Variants in KLF13 observed in about 807,000 individuals in gnomAD.
KLF13 encodes KLF transcription factor 13.
In KLF13, 8 loss-of-function variants were observed where a neutral mutation model predicts 16.7. The observed-to-expected ratio is 0.48, with a 90% CI of 0.28 to 0.87. KLF13 has a LOEUF of 0.87. Ranked by LOEUF, KLF13 falls within the 40% of genes least tolerant of loss-of-function variation. The pLI is 0.10. For synonymous variants in KLF13, 245 were observed against 208.4 expected, an observed-to-expected ratio of 1.18 and a Z score of -1.51; for missense variants, 447 against 452.2, an observed-to-expected ratio of 0.99 and a Z score of 0.10.
chr15:31,395,453 CTTAT>C lies in KLF13; in HGVS notation n.529+1781_529+1784del, dbSNP rs544376162. ...GTGTAGACATAAGTTTTCTTTTTTC[CTTAT>C]TTATTTATTTATTTATTTTTGGACA... On this transcript the variant is annotated intron_variant and non_coding_transcript_variant, in intron 2 of 2. Coordinates refer to the KLF13 transcript ENST00000500533. Among the ~76,000 whole-genome samples, 687 of 151,984 alleles carry C rather than the reference CTTAT, an allele frequency of 4.5e-3. 2 individuals carry two copies. The highest frequency in any genetic ancestry group is 0.015 in the African/African-American group (611 of 41,444).
downstream of KLF13, among the ~76,000 whole-genome samples, chr15:31,409,342 A>T (rs141109044): frequency 2.8e-3 from 430 of 152,290 alleles, 1 homozygote; most frequent in Non-Finnish European, 4.8e-3. Context: ...GAGCTGTGGG[A>T]CAATACCAAA....
intron 1 of KLF13, among the ~76,000 whole-genome samples, chr15:31,422,420 G>A (rs1003414980): frequency 6.6e-6 from 1 of 152,112 alleles, no homozygotes; most frequent in African/African-American, 2.4e-5. Context: ...AATGCAAGCA[G>A]GGGAAACGGT....
intron 1 of KLF13, among the ~76,000 whole-genome samples, chr15:31,423,899 A>G (rs1044631871): frequency 1.3e-5 from 2 of 152,144 alleles, no homozygotes; most frequent in African/African-American, 2.4e-5. Flanking sequence ...TAAACAATAC[A>G]CTCTTGAACA....
intron 1 of KLF13, among the ~76,000 whole-genome samples, chr15:31,333,990 G>A (rs2038883138): frequency 1.3e-5 from 2 of 152,092 alleles, no homozygotes; most frequent in Admixed American, 1.3e-4. Flanking sequence ...CTGTCCTACT[G>A]CAGGATCACA....
chr15:31,347,636 G>A (rs2039145466), intron 1 of KLF13, among the ~76,000 whole-genome samples: 2 of 152,310 alleles, frequency 1.3e-5, no homozygotes, highest in South Asian at 2.1e-4. Flanking sequence ...GAGAGAGGCG[G>A]GGCAGTGTGA....
At chr15:31,418,180 G>A (rs1395177402) in intron 1 of KLF13, among the ~76,000 whole-genome samples, 1 of 152,072 alleles carries the variant, frequency 6.6e-6, no homozygotes, top group Non-Finnish European at 1.5e-5. Flanking sequence ...TCCATATACT[G>A]TATATCAAAT....
rs1207304271 is a variant in KLF13 at position 31,374,091 on chromosome 15, C to T, written c.*1792C>T. The stretch of plus-strand genomic sequence containing the variant: ...TATGGGGTGCAGCACAAACCCAGGA[C>T]CCAGGCCTAGCCACTGCCCACAGCT... On this transcript the variant is annotated 3_prime_UTR_variant, in exon 2 of 2. Coordinates refer to ENST00000307145, the MANE Select transcript of KLF13 (RefSeq NM_015995.4). The T allele has an allele frequency of 6.5e-6, 1 of 152,748 alleles. No individual in the cohort carries two copies. The highest frequency in any genetic ancestry group is 1.5e-5 in the Non-Finnish European group (1 of 68,164). The allele number at this position is 152,748 out of a possible 1,614,324, so 9.5% of individuals were successfully genotyped here.
At chr15:31,393,440 T>G (rs1389433583) in intron 1 of KLF13, 1 of 4,318 alleles carries the variant, frequency 2.3e-4, no homozygotes, top group East Asian at 5.4e-3. Flanking sequence ...CCCGTCCCCC[T>G]CAGACCTAGG....
intron 1 of KLF13, among the ~76,000 whole-genome samples, chr15:31,417,604 C>A (rs557280209): frequency 6.6e-6 from 1 of 151,550 alleles, no homozygotes; most frequent in African/African-American, 2.4e-5. Context: ...TGCAATGGTG[C>A]GATCTCGGCT....
exon 3 of KLF13, chr15:31,403,654 A>G (rs1416870581): frequency 6.6e-6 from 1 of 152,280 alleles, no homozygotes; most frequent in Non-Finnish European, 1.5e-5. Context: ...AAAGCCACAC[A>G]AGGATAATGA....
intron 1 of KLF13, among the ~76,000 whole-genome samples, chr15:31,431,755 C>T (rs1385668530): frequency 6.6e-6 from 1 of 152,204 alleles, no homozygotes; most frequent in African/African-American, 2.4e-5. Context: ...TGAGCCACCG[C>T]GCCCAGCCTG....
At chr15:31,381,654 G>A (rs1483037428), downstream of KLF13, among the ~76,000 whole-genome samples, 4 of 152,080 alleles carry the variant, frequency 2.6e-5, no homozygotes, top group Non-Finnish European at 5.9e-5. Context: ...CTAGTGGAAG[G>A]AGCCTGCATC....
chr15:31,383,798 A>G lies in KLF13; in HGVS notation n.224-51572A>G, dbSNP rs539538481. Among the ~76,000 whole-genome samples the G allele has an allele frequency of 3.2e-3, 487 of 152,298 alleles. 2 individuals carry two copies. The highest frequency in any genetic ancestry group is 0.011 in the African/African-American group (463 of 41,552). On this transcript the variant is annotated intron_variant and non_coding_transcript_variant, in intron 1 of 1. Coordinates refer to the KLF13 transcript ENST00000558921. ...GCGCCTGTAGTCCCAGCTACTCGGGAGGCTGAGGCAGGAGAATGGTGTGAA... is the reference window on the plus strand; with the variant it reads ...GCGCCTGTAGTCCCAGCTACTCGGGGGGCTGAGGCAGGAGAATGGTGTGAA...
chr15:31,408,976 CAACA>C (rs1228438421), downstream of KLF13, among the ~76,000 whole-genome samples: 1 of 152,060 alleles, frequency 6.6e-6, no homozygotes, highest in Admixed American at 6.6e-5. Flanking sequence ...AAACAAAGAA[CAACA>C]AACAGTTTTA....
intron 2 of KLF13, among the ~76,000 whole-genome samples, chr15:31,398,558 G>A (rs1294438014): frequency 1.3e-5 from 2 of 152,138 alleles, no homozygotes; most frequent in South Asian, 2.1e-4. Context: ...CCCAGAGCAA[G>A]AGCCCACTGG....
upstream of KLF13, among the ~76,000 whole-genome samples, chr15:31,390,867 G>A (rs1476003809): frequency 6.6e-6 from 1 of 151,446 alleles, no homozygotes; most frequent in African/African-American, 2.4e-5. Flanking sequence ...GCTGAAACAG[G>A]CTTCCTTACT....
intron 1 of KLF13, among the ~76,000 whole-genome samples, chr15:31,335,496 CG>C (rs1566803001): frequency 1.0e-4 from 1 of 9,984 alleles, no homozygotes; most frequent in Admixed American, 8.7e-4. Context: ...GGGCAGGGGG[CG>C]GGGGGAGGGC....
chr15:31,354,377 G>A (rs941909893), intron 1 of KLF13, among the ~76,000 whole-genome samples: 1 of 152,078 alleles, frequency 6.6e-6, no homozygotes, highest in Non-Finnish European at 1.5e-5. Context: ...TAATAGTTTT[G>A]TAATTTTTGT....
chr15:31,344,572 T>C (rs1287024897), intron 1 of KLF13, among the ~76,000 whole-genome samples: 1 of 152,242 alleles, frequency 6.6e-6, no homozygotes, highest in East Asian at 1.9e-4. Flanking sequence ...GAGACTGGGC[T>C]GGGCCAGGCC....
Sources: allele counts gnomAD v4.1 joint callset (sites outside exome capture counted in the v4.1 genomes callset), GRCh38; gene constraint gnomAD v4.1.1; transcripts MANE v1.5; gene names NCBI Gene and HGNC (gene_info 2026-07-23, HGNC 2026-07-21).